WDR90: variants seen among roughly 807,000 people sequenced by gnomAD.
The protein encoded by WDR90 is WD repeat domain 90.
In WDR90, 238 loss-of-function variants were observed where a neutral mutation model predicts 195.2. The observed-to-expected ratio is 1.22, with a 90% CI of 1.10 to 1.36. The LOEUF (loss-of-function observed/expected upper bound fraction) is 1.36, where lower values mean the gene tolerates loss of function less well. Among genes scored for constraint, WDR90 ranks in the 40% most tolerant of loss-of-function variants. The pLI is 0.00. For synonymous variants in WDR90, 1,265 were observed against 1,052.4 expected (o/e 1.20, Z -3.91); for missense variants, 2,734 against 2,439.5 (o/e 1.12, Z -2.54).
rs2037626635 is a variant in WDR90, at chr16:650,656, G to A, written c.506G>A (p.Cys169Tyr). 6.2e-7 allele frequency: 1 copy of A among 1,612,662 alleles called. No individual in the cohort carries two copies. Among genetic ancestry groups the A allele is most frequent in the Non-Finnish European group, 8.5e-7 (1 of 1,179,826 alleles). The change falls in exon 5 of 41, where the codon TGC (cysteine) becomes TAC (tyrosine). Residue 169 changes from cysteine to tyrosine, a missense_variant. By Grantham distance (194) the Cys-to-Tyr change is radical. Coordinates refer to ENST00000293879, the MANE Select transcript of WDR90 (RefSeq NM_145294.5). ...CYGHLKSIRL[C>Y]ASLLVRNLYT... ...GGCCATCTCAAGAGCATCAGGCTGT[G>A]CGCCAGCCTGCTGGTCAGGAACCTG...
rs758745593 is a variant in WDR90, at chr16:651,913, C to G, written c.927C>G (p.Pro309=). ...CAGACGCCTCCAACGCGGATGGCCC[C>G]GGTTTCCATAGCCTTGAGCCCTGGG... The part of the protein sequence containing the change: ...ERSDASNADG[P]GFHSLEPWAQ... The change falls in exon 9 of 41, where the codon CCC becomes CCG. Residue 309 remains proline (P), a synonymous_variant. Coordinates refer to ENST00000293879, the MANE Select transcript of WDR90 (RefSeq NM_145294.5). The G allele has an allele frequency of 8.7e-6, 14 of 1,610,632 alleles. No homozygotes were observed. The highest frequency in any genetic ancestry group is 1.2e-5 in the Non-Finnish European group (14 of 1,179,486).
Position 650,183 on chromosome 16 carries a change from C to T in WDR90, c.279+16C>T. 1 of 1,610,718 alleles carries T rather than the reference C, an allele frequency of 6.2e-7. No individual in the cohort carries two copies. The highest frequency in any genetic ancestry group is 1.1e-5 in the South Asian group (1 of 91,054). On this transcript the variant is annotated intron_variant, in intron 3 of 40. Transcript: ENST00000293879. ...GTCCTCCAAGGTACGGAGCCCGCGG[C>T]TGGGGGCTGCGTGGGAGCCCCGGCA...
Position 657,710 on chromosome 16 carries a change from C to T in WDR90, c.2474-52C>T, listed in dbSNP as rs1251976670. ...CGGCGGCCTCCTCGGGCCCTGGCCA[C>T]GCGCACCCCGGCACTCCCCACCCAG... is the stretch of plus-strand genomic sequence containing the variant. On this transcript the variant is annotated intron_variant, in intron 20 of 40. Coordinates refer to ENST00000293879, the MANE Select transcript of WDR90 (RefSeq NM_145294.5). The T allele has an allele frequency of 6.1e-6, 9 of 1,484,206 alleles. 1 individual carries two copies. The highest frequency in any genetic ancestry group is 2.6e-5 in the Admixed American group (1 of 37,784). 91.9% of individuals were successfully genotyped at this position (1,484,206 alleles called of 1,614,324 possible).
intron 21 of WDR90, 97 bp downstream of exon 21, chr16:657,989 A>G: frequency 2.1e-6 from 3 of 1,461,808 alleles, no homozygotes; most frequent in Non-Finnish European, 2.7e-6. Flanking sequence ...AGCAGGACCC[A>G]GGCCCTGTCC....
At position 661,021 on chromosome 16, in the gene WDR90, G is replaced by A. The variant is rs777550286; in HGVS notation, c.3392-30G>A. The A allele has an allele frequency of 5.8e-4, 199 of 345,560 alleles. 1 individual carries two copies. Among genetic ancestry groups the A allele is most frequent in the Non-Finnish European group, 6.6e-4 (193 of 290,942 alleles). The allele number at this position is 345,560 out of a possible 1,614,324, so 21.4% of individuals were successfully genotyped here. On this transcript the variant is annotated intron_variant, in intron 28 of 40. Coordinates refer to ENST00000293879, the MANE Select transcript of WDR90 (RefSeq NM_145294.5). ...CCCCGCCCCCCCCCCCCCCCGGCCC[G>A]GCCTCAGGCCCCGCCCTCTCTGCGC... is the stretch of plus-strand genomic sequence containing the variant.
Position 665,734 on chromosome 16 carries a change from A to G in WDR90, c.4367A>G (p.Asp1456Gly), listed in dbSNP as rs1410913367. 1.9e-6 allele frequency: 3 copies of G among 1,607,488 alleles called. No individual in the cohort carries two copies. The highest frequency in any genetic ancestry group is 2.2e-5 in the South Asian group (2 of 90,848). The stretch of plus-strand genomic sequence containing the variant: ...TCCCACTGCGCCACATGCAGTGAGG[A>G]TGGGAGTGTGCGGGTGTGGGCCTTG... ...GESHCATCSE[D>G]GSVRVWALAS... Residue 1456 changes from aspartate (D) to glycine (G), a missense_variant, in exon 35 of 41, where the codon GAT becomes GGT. By Grantham distance (94) the Asp-to-Gly change is moderately conservative. Transcript: ENST00000293879.
intron 34 of WDR90, 103 bp downstream of exon 34, chr16:662,947 G>A (rs967425951): frequency 4.0e-6 from 6 of 1,499,870 alleles, no homozygotes; most frequent in Middle Eastern, 1.7e-4. Flanking sequence ...AAGTCCTGCC[G>A]TCACTGGCTC....
chr16:656,506 T>C lies in WDR90; in HGVS notation c.2171T>C (p.Val724Ala). ...QLATVSQDRT[V>A]RIWDLATLQQ... ...GCCACCGTGTCCCAGGACCGTACCG[T>C]CCGCATCTGGGACCTGGCCACCCTG... The change falls in exon 18 of 41, where the codon GTC becomes GCC. Residue 724 changes from valine to alanine, a missense_variant. Coordinates refer to ENST00000293879, the MANE Select transcript of WDR90 (RefSeq NM_145294.5). 3 of 1,576,442 alleles carry C rather than the reference T, an allele frequency of 1.9e-6. No individual in the cohort carries two copies. The highest frequency in any genetic ancestry group is 2.6e-6 in the Non-Finnish European group (3 of 1,163,554).
chr16:665,561 C>G (rs1014031203), intron 34 of WDR90, 118 bp from the exon 35 acceptor site: 1 of 1,538,112 alleles, frequency 6.5e-7, no homozygotes, highest in South Asian at 1.1e-5. Context: ...TTGGCCGGGG[C>G]CAGAGGCACA....
intron 35 of WDR90, 55 bp downstream of exon 35, chr16:665,856 C>G: frequency 6.4e-7 from 1 of 1,552,266 alleles, no homozygotes; most frequent in South Asian, 1.2e-5. Flanking sequence ...CAGTGGGGGG[C>G]CTGGCATGGG....
chr16:666,784 C>G lies in WDR90; in HGVS notation c.4996C>G (p.Gln1666Glu), dbSNP rs753001830. The G allele has an allele frequency of 6.2e-7, 1 of 1,612,742 alleles. No homozygotes were observed. Among genetic ancestry groups the G allele is most frequent in the South Asian group, 1.1e-5 (1 of 91,056 alleles). ...GGAGGTGATCATCTACAACCTCTGC[C>G]AGAAGCAGGTACACGCAGCTGCCCG... Reference protein sequence around the residue: ...YKEVIIYNLCQKQVVEKIPLP... With the variant: ...YKEVIIYNLCEKQVVEKIPLP... The change falls in exon 39 of 41, where the codon CAG (glutamine) becomes GAG (glutamate). Residue 1666 changes from glutamine (Q) to glutamate (E), a missense_variant. Coordinates refer to ENST00000293879, the MANE Select transcript of WDR90 (RefSeq NM_145294.5).
Position 650,557 on chromosome 16 carries a change from C to A in WDR90, c.407C>A (p.Pro136His). The change falls in exon 5 of 41, where the codon CCC (proline) becomes CAC (histidine). Residue 136 changes from proline to histidine, a missense_variant. Coordinates refer to ENST00000293879, the MANE Select transcript of WDR90 (RefSeq NM_145294.5). Reference protein sequence around the residue: ...TPQRDLVGLAPSGARWTCLQL... With the variant: ...TPQRDLVGLAHSGARWTCLQL... ...CCTGCAGATCTGGTGGGTTTGGCCC[C>A]CTCCGGAGCCCGCTGGACCTGCCTG... 1 of 1,610,392 alleles carries A rather than the reference C, an allele frequency of 6.2e-7. No homozygotes were observed. The highest frequency in any genetic ancestry group is 8.5e-7 in the Non-Finnish European group (1 of 1,178,306).
In WDR90 at chr16:658,590, G is replaced by A; in HGVS notation, c.2832G>A (p.Leu944=). ...LTLSEDARFL[L]IAAGRTIKVW... ...TCAGTGAGGACGCCCGCTTCCTGCT[G>A]ATTGCCGCCGGCCGGACCATCAAGG... Residue 944 remains leucine (L), a synonymous_variant, in exon 23 of 41, where the codon CTG becomes CTA. Transcript: ENST00000293879. 6.2e-7 allele frequency: 1 copy of A among 1,612,738 alleles called. No homozygotes were observed. The highest frequency in any genetic ancestry group is 8.5e-7 in the Non-Finnish European group (1 of 1,179,914).
At chr16:652,186 G>A (rs1414979007) in intron 9 of WDR90, 147 bp downstream of exon 9, 1 of 1,014,066 alleles carries the variant, frequency 9.9e-7, no homozygotes, top group Non-Finnish European at 1.4e-6. Context: ...CTGGCGGGAG[G>A]CGGCTTTGGG....
rs2037616651 is a variant in WDR90 at position 650,268 on chromosome 16, C to T, written c.294C>T (p.Ile98=). Residue 98 remains isoleucine, a synonymous_variant, in exon 4 of 41, where the codon ATC becomes ATT. Transcript: ENST00000293879. ...CGTCCCCACAGGACAACCAAGTCAT[C>T]CGTGTGTCTTTCTCCAACCTCTTCA... ...LDVSSKDNQV[I]RVSFSNLFKE... is the part of the protein sequence containing the mutation. 1.2e-6 allele frequency: 2 copies of T among 1,612,978 alleles called. No individual in the cohort carries two copies. The highest frequency in any genetic ancestry group is 1.7e-5 in the Admixed American group (1 of 60,032).
rs770734422 is a variant in WDR90, at chr16:658,134, C to G, written c.2605-49C>G. 3.8e-6 allele frequency: 6 copies of G among 1,570,914 alleles called. No individual in the cohort carries two copies. In the African/African-American group the frequency reaches 4.0e-5, roughly 11 times the overall value. ...TCCCGAGCCTGACCCTGGGTGGCACCGGCTCTGCCCAGGGGCCCTGACTGT... is the reference window on the plus strand; with the variant it reads ...TCCCGAGCCTGACCCTGGGTGGCACGGGCTCTGCCCAGGGGCCCTGACTGT... On this transcript the variant is annotated intron_variant, in intron 21 of 40. Transcript: ENST00000293879.
upstream of WDR90, chr16:649,040 GCATGGCCAGGCCTCAGCGCGACCTCGCCT>G: frequency 4.4e-6 from 1 of 229,570 alleles, no homozygotes; most frequent in African/African-American, 2.3e-5. Flanking sequence ...GCCGTCCGTG[GCATGGCCAGGCCTCAGCGCGACCTCGCCT>G]CGCTGCTTGC....
chr16:661,090 A>G lies in WDR90; in HGVS notation c.3431A>G (p.Glu1144Gly). The G allele has an allele frequency of 6.8e-7, 1 of 1,479,076 alleles. No individual in the cohort carries two copies. Among genetic ancestry groups the G allele is most frequent in the South Asian group, 1.2e-5 (1 of 83,298 alleles). The allele number at this position is 1,479,076 out of a possible 1,614,324, so 91.6% of individuals were successfully genotyped here. A position where few individuals can be genotyped will look rare whatever the true frequency, so the allele number is the denominator to read the frequency against. ...AYTCGRLVVV[E>G]DLHSGAQQHW... ...ACGTGCGGCCGCCTGGTGGTGGTGG[A>G]GGACCTGCACTCTGGCGCCCAGCAG... Residue 1144 changes from glutamate to glycine, a missense_variant, in exon 29 of 41, where the codon GAG becomes GGG. Coordinates refer to ENST00000293879, the MANE Select transcript of WDR90 (RefSeq NM_145294.5).
In WDR90 at chr16:650,144, A is replaced by G. The variant is rs1159069215; in HGVS notation, c.256A>G (p.Ile86Val). 19 of 1,612,886 alleles carry G rather than the reference A, an allele frequency of 1.2e-5. No individual in the cohort carries two copies. Among genetic ancestry groups the G allele is most frequent in the Non-Finnish European group, 1.5e-5 (18 of 1,179,932 alleles). Residue 86 changes from isoleucine to valine, a missense_variant, in exon 3 of 41, where the codon ATC becomes GTC. Physicochemically the swap from Ile to Val is conservative, Grantham distance 29. Transcript: ENST00000293879. The stretch of plus-strand genomic sequence containing the variant: ...GCCCCTGCCCAGCAAGCACTTCGTC[A>G]TCCACCTCGATGTGTCCTCCAAGGT... ...FRPLPSKHFV[I>V]HLDVSSKDNQ...
Sources: allele counts gnomAD v4.1 joint callset, GRCh38; gene constraint gnomAD v4.1.1; transcripts MANE v1.5; gene names NCBI Gene and HGNC (gene_info 2026-07-23, HGNC 2026-07-21).